Variants in NEMP2 observed in about 807,000 individuals in gnomAD.
NEMP2 encodes the protein UPF0571 transmembrane protein.
Under a neutral mutation model 54.2 loss-of-function variants are expected in NEMP2, and 53 were observed. That is an observed-to-expected ratio of 0.98 (90% confidence interval 0.78 to 1.23). NEMP2 has a LOEUF of 1.23. NEMP2 is among the 50% of genes most tolerant of loss of function. NEMP2 has a pLI of 0.00. For synonymous variants in NEMP2, 197 were observed against 190.3 expected, an observed-to-expected ratio of 1.04 and a Z score of -0.29; for missense variants, 455 against 511.3, an observed-to-expected ratio of 0.89 and a Z score of 1.06.
At chr2:190,590,063 C>T in the NEMP2 span, among the ~76,000 whole-genome samples, 10 of 152,176 alleles carry the variant, frequency 6.6e-5, no homozygotes, top group Non-Finnish European at 1.2e-4. This position sits in a 1 kb window ranked among gnomAD's most constrained non-coding sequence, Gnocchi z 5.1. Context: ...TCCATGGTCA[C>T]AGACTGGGCA....
At chr2:190,436,827 C>G in the NEMP2 span, 12 of 1,614,226 alleles carry the variant, frequency 7.4e-6, no homozygotes, top group Non-Finnish European at 8.5e-6. This position sits in a 1 kb window ranked among gnomAD's most constrained non-coding sequence, Gnocchi z 5.3. Context: ...TTGTTACCAC[C>G]ACCAAATCTT....
rs1000745725 is a variant in NEMP2, at chr2:190,528,030, A to C, written c.98-2652T>G. On this transcript the variant is annotated intron_variant, in intron 1 of 8. Transcript: ENST00000409150. This position sits in a 1 kb window ranked among gnomAD's most constrained non-coding sequence, Gnocchi z 4.3. ...GTTAAATACAGGATACTAAAAATGA[A>C]AAACATGCTCCTGCATGGTGTGTCC... Among the ~76,000 whole-genome samples, 1 of 152,184 alleles carries C rather than the reference A, an allele frequency of 6.6e-6. No individual in the cohort carries two copies. The highest frequency in any genetic ancestry group is 2.4e-5 in the African/African-American group (1 of 41,428).
rs1480282164 is a variant in NEMP2, at chr2:190,523,434, CA to C, written c.213+1828del. On this transcript the variant is annotated intron_variant, in intron 2 of 8. Transcript: ENST00000409150. The surrounding 1 kb of genome is among the most constrained non-coding windows in gnomAD (Gnocchi z 5.3). ...TTCTCATTATCAGAGAAGGGAATTA[CA>C]AATACGAAAACTGGAAAACTAGCAT... 6.6e-6 allele frequency among the ~76,000 whole-genome samples: 1 copy of C among 152,066 alleles called. No individual in the cohort carries two copies. The highest frequency in any genetic ancestry group is 1.5e-5 in the Non-Finnish European group (1 of 68,020).
At chr2:190,617,723 A>T in the NEMP2 span, among the ~76,000 whole-genome samples, 1 of 152,234 alleles carries the variant, frequency 6.6e-6, no homozygotes, top group Non-Finnish European at 1.5e-5. This position sits in a 1 kb window ranked among gnomAD's most constrained non-coding sequence, Gnocchi z 5.0. Context: ...ACAAGATTAT[A>T]TATTTTAAAA....
chr2:190,631,136 G>A, the NEMP2 span, among the ~76,000 whole-genome samples: 1 of 152,174 alleles, frequency 6.6e-6, no homozygotes, highest in Non-Finnish European at 1.5e-5. Context: ...GAATTGTAAA[G>A]ATATGACCAA....
the NEMP2 span, among the ~76,000 whole-genome samples, chr2:190,640,787 A>ATTTTTTTT: frequency 1.1e-4 from 13 of 118,022 alleles, no homozygotes; most frequent in African/African-American, 4.5e-4. Context: ...AACACATTCA[A>ATTTTTTTT]TTTTTTTTTT....
At chr2:190,444,525 C>T in the NEMP2 span, among the ~76,000 whole-genome samples, 20 of 152,196 alleles carry the variant, frequency 1.3e-4, no homozygotes, top group African/African-American at 4.6e-4. Flanking sequence ...TGTAAAGTGG[C>T]TGTGTGTTCT....
the NEMP2 span, among the ~76,000 whole-genome samples, chr2:190,440,952 A>C: frequency 9.9e-5 from 15 of 152,220 alleles, no homozygotes; most frequent in African/African-American, 3.1e-4. Context: ...GGGCTTCAGC[A>C]CAGCCAAGGA....
rs1459485383 is a variant in NEMP2, at chr2:190,509,225, G to A, written c.1218C>T (p.Phe406=). ...HEEQYGLGGA[F]LEEQLFNPST... is the part of the protein sequence containing the mutation. ...TCGGGTTAAAGAGCTGCTCTTCCAA[G>A]AAGGCACCCCCAAGGCCATACTGCT... The change falls in exon 9 of 9, where the codon TTC becomes TTT. Residue 406 remains phenylalanine, a synonymous_variant. Transcript: ENST00000409150. The surrounding 1 kb of genome is among the most constrained non-coding windows in gnomAD (Gnocchi z 6.1). 6.4e-7 allele frequency: 1 copy of A among 1,551,568 alleles called. No homozygotes were observed. The highest frequency in any genetic ancestry group is 8.7e-7 in the Non-Finnish European group (1 of 1,147,016).
At chr2:190,612,849 A>G in the NEMP2 span, among the ~76,000 whole-genome samples, 1 of 152,136 alleles carries the variant, frequency 6.6e-6, no homozygotes, top group Non-Finnish European at 1.5e-5. Flanking sequence ...TAAGCTTTGA[A>G]TTAGACAAAA....
the NEMP2 span, among the ~76,000 whole-genome samples, chr2:190,584,076 C>T: frequency 6.6e-6 from 1 of 152,122 alleles, no homozygotes; most frequent in East Asian, 1.9e-4. The surrounding 1 kb of genome is among the most constrained non-coding windows in gnomAD (Gnocchi z 4.2). Flanking sequence ...CTGTTATTCC[C>T]CAGCCTTCAG....
At chr2:190,546,966 A>G in the NEMP2 span, among the ~76,000 whole-genome samples, 4 of 152,190 alleles carry the variant, frequency 2.6e-5, no homozygotes, top group Non-Finnish European at 4.4e-5. This position sits in a 1 kb window ranked among gnomAD's most constrained non-coding sequence, Gnocchi z 5.1. Context: ...TTCATAATTG[A>G]AAAAGGCCGT....
At chr2:190,516,094 A>G (rs1392057248) in intron 6 of NEMP2, among the ~76,000 whole-genome samples, 176 bp downstream of exon 6, 1 of 152,250 alleles carries the variant, frequency 6.6e-6, no homozygotes, top group African/African-American at 2.4e-5. Flanking sequence ...GATCTAAATG[A>G]ACTGAAATCA....
At chr2:190,498,507 T>C in the NEMP2 span, among the ~76,000 whole-genome samples, 1 of 152,204 alleles carries the variant, frequency 6.6e-6, no homozygotes, top group African/African-American at 2.4e-5. The surrounding 1 kb of genome is among the most constrained non-coding windows in gnomAD (Gnocchi z 5.9). Context: ...TGTTAATTAA[T>C]CTCACTTTGT....
At chr2:190,532,363 C>G (rs1047699132) in intron 1 of NEMP2, among the ~76,000 whole-genome samples, 7 of 152,142 alleles carry the variant, frequency 4.6e-5, no homozygotes, top group African/African-American at 1.7e-4. Context: ...TCTTTAACTT[C>G]AAGTTCAAAT....
At chr2:190,640,787 ATTTTTTTTTTTT>A in the NEMP2 span, among the ~76,000 whole-genome samples, 2 of 118,026 alleles carry the variant, frequency 1.7e-5, no homozygotes, top group African/African-American at 6.9e-5. Context: ...AACACATTCA[ATTTTTTTTTTTT>A]TTTTTTTTTT....
At chr2:190,433,040 T>A in the NEMP2 span, among the ~76,000 whole-genome samples, 1 of 152,258 alleles carries the variant, frequency 6.6e-6, no homozygotes, top group Non-Finnish European at 1.5e-5. This position sits in a 1 kb window ranked among gnomAD's most constrained non-coding sequence, Gnocchi z 4.5. Flanking sequence ...GTTTACTTTC[T>A]GCTTTCCGTA....
At position 190,534,699 on chromosome 2, in the gene NEMP2, G is replaced by C; in HGVS notation, c.-44C>G. The stretch of plus-strand genomic sequence containing the variant: ...CGTGCGACCCGAGCCCTAGGGGACC[G>C]GCTCCGCTGCGAGGAGCGGAAGTGG... On this transcript the variant is annotated 5_prime_UTR_variant, in exon 1 of 9. Coordinates refer to ENST00000409150, the MANE Select transcript of NEMP2 (RefSeq NM_001142645.2). The C allele has an allele frequency of 1.6e-6, 2 of 1,232,262 alleles. No homozygotes were observed. Among genetic ancestry groups the C allele is most frequent in the Non-Finnish European group, 2.0e-6 (2 of 981,766 alleles). The allele number at this position is 1,232,262 out of a possible 1,614,324, so 76.3% of individuals were successfully genotyped here. A position where few individuals can be genotyped will look rare whatever the true frequency, so the allele number is the denominator to read the frequency against.
chr2:190,431,770 A>T, the NEMP2 span, among the ~76,000 whole-genome samples: 1 of 151,894 alleles, frequency 6.6e-6, no homozygotes, highest in Admixed American at 6.6e-5. This position sits in a 1 kb window ranked among gnomAD's most constrained non-coding sequence, Gnocchi z 4.4. Flanking sequence ...CTTGTTCTTT[A>T]TTTTCCTAAG....
Sources: gnomAD v4.1 joint callset for allele counts (sites outside exome capture counted in the v4.1 genomes callset) on GRCh38, gnomAD v4.1.1 for gene constraint, Gnocchi (gnomAD v3.1) non-coding constraint, MANE v1.5 for transcripts, NCBI Gene and HGNC (gene_info 2026-07-23, HGNC 2026-07-21) for gene names.